XPO7: variants seen among roughly 807,000 people sequenced by gnomAD.
XPO7 encodes the protein exportin 7.
Under a neutral mutation model 144.3 loss-of-function variants are expected in XPO7, and 21 were observed. The ratio of observed to expected loss-of-function variants is 0.15; its 90% CI spans 0.10 to 0.21. The LOEUF is 0.21. Among genes scored for constraint, XPO7 ranks in the 10% least tolerant of loss-of-function variants. XPO7 has a pLI of 1.00. For missense variants in XPO7, 808 were observed against 1,325.8 expected (o/e 0.61, Z 6.06); for synonymous variants, 580 against 499.6 (o/e 1.16, Z -2.15).
chr8:21,921,205 C>T (rs1056385654), intron 1 of XPO7, among the ~76,000 whole-genome samples: 1 of 152,068 alleles, frequency 6.6e-6, no homozygotes, highest in Admixed American at 6.5e-5. Flanking sequence ...TTCTAAGAAG[C>T]ATGAAATATT....
In XPO7 at chr8:21,951,275, T is replaced by C. The variant is rs568529912; in HGVS notation, c.19-15582T>C. 2.0e-5 allele frequency among the ~76,000 whole-genome samples: 3 copies of C among 152,118 alleles called. 1 individual carries two copies. The South Asian group carries it at 6.2e-4, about 32-fold the overall frequency. ...TTTGGTTAAGTACGTCTTTTTTTTT[T>C]TAAACCTATGAGGCCTACCTTAATT... On this transcript the variant is annotated intron_variant, in intron 1 of 27. Transcript: ENST00000252512.
chr8:21,925,401 T>C (rs1394045351), intron 1 of XPO7, among the ~76,000 whole-genome samples: 2 of 152,224 alleles, frequency 1.3e-5, no homozygotes, highest in Non-Finnish European at 2.9e-5. Context: ...TTGATATCAT[T>C]TAATGCTCAC....
At chr8:21,991,727 T>C in intron 18 of XPO7, 141 bp from the exon 19 acceptor site, 1 of 557,056 alleles carries the variant, frequency 1.8e-6, no homozygotes, top group Non-Finnish European at 3.1e-6. Context: ...TGCTCTTACA[T>C]TGCTACTAAT....
chr8:21,940,375 G>A (rs1370612285), intron 1 of XPO7, among the ~76,000 whole-genome samples: 2 of 152,056 alleles, frequency 1.3e-5, no homozygotes, highest in Non-Finnish European at 2.9e-5. Flanking sequence ...TAGAATTAAA[G>A]TATCACCATT....
chr8:21,961,487 A>G (rs1191636793), intron 1 of XPO7, among the ~76,000 whole-genome samples: 3 of 152,050 alleles, frequency 2.0e-5, no homozygotes, highest in Non-Finnish European at 2.9e-5. Flanking sequence ...AAGTGCTGGG[A>G]TTATAGGTGT....
chr8:21,925,397 T>C (rs1443177498), intron 1 of XPO7, among the ~76,000 whole-genome samples: 5 of 152,324 alleles, frequency 3.3e-5, no homozygotes, highest in Admixed American at 6.5e-5. Context: ...TTAATTGATA[T>C]CATTTAATGC....
At chr8:21,919,973 C>T (rs529110699) in intron 1 of XPO7, among the ~76,000 whole-genome samples, 185 bp downstream of exon 1, 5 of 151,608 alleles carry the variant, frequency 3.3e-5, no homozygotes, top group South Asian at 4.2e-4. Flanking sequence ...GGGCCGGGGG[C>T]CTTCTCCGTC....
At chr8:21,948,066 A>G (rs1585431418) in intron 1 of XPO7, among the ~76,000 whole-genome samples, 2 of 152,342 alleles carry the variant, frequency 1.3e-5, no homozygotes, top group South Asian at 4.1e-4. Context: ...GAATAGATTA[A>G]TTCAAAGTCA....
At chr8:21,975,632 A>G (rs1006768290) in intron 6 of XPO7, among the ~76,000 whole-genome samples, 3 of 152,238 alleles carry the variant, frequency 2.0e-5, no homozygotes, top group African/African-American at 7.2e-5. Flanking sequence ...TTTACCTTAG[A>G]ATTCCCAAAT....
rs141104216 is a variant in XPO7, at chr8:21,982,903, G to A, written c.1277+91G>A. The A allele has an allele frequency of 2.8e-5, 40 of 1,448,116 alleles. No homozygotes were observed. In the East Asian group the frequency reaches 4.9e-4, roughly 18 times the overall value. 89.7% of individuals were successfully genotyped at this position (1,448,116 alleles called of 1,614,324 possible). A position where few individuals can be genotyped will look rare whatever the true frequency, so the allele number is the denominator to read the frequency against. On this transcript the variant is annotated intron_variant, in intron 11 of 27. Coordinates refer to ENST00000252512, the MANE Select transcript of XPO7 (RefSeq NM_015024.5). ...ACACCCCATTGGCAAAGAGGTACTC[G>A]AAGCGTGTCTCATTGGAGCCACTAC...
At chr8:21,989,202 C>A in intron 16 of XPO7, 119 bp downstream of exon 16, 2 of 951,426 alleles carry the variant, frequency 2.1e-6, no homozygotes, top group Non-Finnish European at 1.5e-6. Context: ...ACATATCTTC[C>A]ATTTTCCTAG....
At chr8:21,923,233 A>G (rs4872104) in intron 1 of XPO7, among the ~76,000 whole-genome samples, 55,187 of 152,094 alleles carry the variant, frequency 0.36, 10,484 homozygotes, top group East Asian at 0.46. Flanking sequence ...GAGGATTCAG[A>G]ATGAGAAAGA....
In XPO7 at chr8:21,987,246, C is replaced by T; in HGVS notation, c.1683C>T (p.Tyr561=). The part of the protein sequence containing the change: ...LSFFEQFRKI[Y]IGDQVQKSSK... ...TTTTTGAACAGTTTCGTAAGATCTA[C>T]ATTGGGGACCAAGTGCAGAAATCCT... Residue 561 remains tyrosine (Y), a synonymous_variant, in exon 14 of 28, where the codon TAC becomes TAT. Transcript: ENST00000252512. 1.2e-6 allele frequency: 2 copies of T among 1,614,022 alleles called. No individual in the cohort carries two copies. The highest frequency in any genetic ancestry group is 2.2e-5 in the East Asian group (1 of 44,886).
At position 21,982,486 on chromosome 8, in the gene XPO7, A is replaced by G. The variant is rs112089344; in HGVS notation, c.1105-154A>G. 9.6e-3 allele frequency among the ~76,000 whole-genome samples: 1,458 copies of G among 152,252 alleles called. 19 individuals are homozygous for G. Among genetic ancestry groups the G allele is most frequent in the South Asian group, 0.023 (111 of 4,828 alleles). ...TAATCTTGAAAATACTAATAAACAC[A>G]TTAAACTAGATGCCATACACAGAAC... On this transcript the variant is annotated intron_variant, in intron 10 of 27. Transcript: ENST00000252512.
chr8:21,998,807 C>G lies in XPO7; in HGVS notation c.2398C>G (p.Arg800Gly). 1 of 1,613,900 alleles carries G rather than the reference C, an allele frequency of 6.2e-7. No individual in the cohort carries two copies. Among genetic ancestry groups the G allele is most frequent in the Non-Finnish European group, 8.5e-7 (1 of 1,179,884 alleles). Residue 800 changes from arginine to glycine, a missense_variant, in exon 22 of 28, where the codon CGA becomes GGA. Arg to Gly is a moderately radical substitution (Grantham distance 125). Around this residue, in one of 5 missense-constraint regions of XPO7, gnomAD observed 416 missense variants for 612.5 expected, o/e 0.68. Transcript: ENST00000252512. ...TTCCCCCAATGGCATCTTACTCTTC[C>G]GAGAAACCAGCAAGATGATAACAAT... ...VSSPNGILLFRETSKMITMYG... is the reference protein window; with the variant it reads ...VSSPNGILLFGETSKMITMYG...
intron 5 of XPO7, among the ~76,000 whole-genome samples, chr8:21,973,910 C>A (rs1287702781): frequency 6.6e-6 from 1 of 152,170 alleles, no homozygotes; most frequent in Non-Finnish European, 1.5e-5. Flanking sequence ...GTTTTCACTT[C>A]TGGGGTATAG....
At chr8:21,985,264 A>G (rs1015001771) in intron 12 of XPO7, among the ~76,000 whole-genome samples, 1 of 152,244 alleles carries the variant, frequency 6.6e-6, no homozygotes, top group Non-Finnish European at 1.5e-5. Flanking sequence ...GGAGATAAGT[A>G]CAGATAGTAA....
At chr8:21,964,345 T>G (rs1191982631) in intron 1 of XPO7, 1 of 152,174 alleles carries the variant, frequency 6.6e-6, no homozygotes, top group Non-Finnish European at 1.5e-5. Context: ...CGGCCACCCT[T>G]AGTGTGAAGT....
At chr8:21,922,663 G>A (rs1338202973) in intron 1 of XPO7, among the ~76,000 whole-genome samples, 3 of 152,138 alleles carry the variant, frequency 2.0e-5, no homozygotes, top group Admixed American at 1.3e-4. Context: ...AGTTTTAATA[G>A]TGCTAGCTGG....
Sources: allele counts gnomAD v4.1 joint callset (sites outside exome capture counted in the v4.1 genomes callset), GRCh38; gene constraint gnomAD v4.1.1; regional missense constraint gnomAD v4.1.1; transcripts MANE v1.5; gene names NCBI Gene and HGNC (gene_info 2026-07-23, HGNC 2026-07-21).